DRC11: variants seen among roughly 807,000 people sequenced by gnomAD.
DRC11 encodes the protein dynein regulatory complex subunit 11.
chr2:236,369,242 T>G, the DRC11 span: 1 of 152,234 alleles, frequency 6.6e-6, no homozygotes, highest in Non-Finnish European at 1.5e-5. The surrounding 1 kb of genome is among the most constrained non-coding windows in gnomAD (Gnocchi z 4.5). Flanking sequence ...TATCCCAAGC[T>G]TTTAAGTATT....
chr2:236,354,290 AGT>A, the DRC11 span, among the ~76,000 whole-genome samples: 1 of 144,678 alleles, frequency 6.9e-6, no homozygotes, highest in East Asian at 2.0e-4. Flanking sequence ...AGTTTATGTT[AGT>A]GTGTACATGT....
At chr2:236,383,860 T>C in the DRC11 span, among the ~76,000 whole-genome samples, 5 of 146,026 alleles carry the variant, frequency 3.4e-5, no homozygotes, top group African/African-American at 1.3e-4. Context: ...TTCCCCTTCC[T>C]GTGTCCATGT....
the DRC11 span, among the ~76,000 whole-genome samples, chr2:236,407,648 G>C: frequency 6.6e-6 from 1 of 152,008 alleles, no homozygotes; most frequent in Non-Finnish European, 1.5e-5. Flanking sequence ...TTGTTTCTCT[G>C]GAGTGCCCTG....
the DRC11 span, among the ~76,000 whole-genome samples, chr2:236,399,142 G>T: frequency 3.3e-5 from 5 of 152,032 alleles, no homozygotes; most frequent in Admixed American, 3.3e-4. This position sits in a 1 kb window ranked among gnomAD's most constrained non-coding sequence, Gnocchi z 7.0. Flanking sequence ...GGCTCCCGCT[G>T]TTACGCCCAG....
the DRC11 span, chr2:236,441,047 A>G: frequency 6.5e-7 from 1 of 1,534,868 alleles, no homozygotes; most frequent in South Asian, 1.2e-5. Flanking sequence ...TACCTGTTGT[A>G]TGGTCTTGTC....
the DRC11 span, chr2:236,507,434 G>A: frequency 2.9e-6 from 2 of 691,996 alleles, no homozygotes; most frequent in Admixed American, 4.8e-5. Flanking sequence ...GCTTCGGGCA[G>A]GAAAAGGTGA....
the DRC11 span, among the ~76,000 whole-genome samples, chr2:236,459,489 A>G: frequency 2.3e-5 from 3 of 133,034 alleles, no homozygotes; most frequent in East Asian, 4.3e-4. Context: ...AAAAATATGT[A>G]TACGTATATA....
the DRC11 span, among the ~76,000 whole-genome samples, chr2:236,365,516 G>A: frequency 6.6e-6 from 1 of 150,938 alleles, no homozygotes; most frequent in African/African-American, 2.4e-5. This position sits in a 1 kb window ranked among gnomAD's most constrained non-coding sequence, Gnocchi z 7.4. Flanking sequence ...GGTGCCAGGC[G>A]GGTGCTGGCT....
chr2:236,412,809 A>G, the DRC11 span: 1 of 152,292 alleles, frequency 6.6e-6, no homozygotes, highest in African/African-American at 2.4e-5. Context: ...TAATTACTGC[A>G]TAGCTCTTGA....
the DRC11 span, among the ~76,000 whole-genome samples, chr2:236,353,201 T>A: frequency 6.6e-6 from 1 of 152,240 alleles, no homozygotes; most frequent in Non-Finnish European, 1.5e-5. The surrounding 1 kb of genome is among the most constrained non-coding windows in gnomAD (Gnocchi z 5.0). Flanking sequence ...AATTGAACTT[T>A]CCAGAGTTCT....
At chr2:236,507,218 A>T in the DRC11 span, 2 of 1,610,964 alleles carry the variant, frequency 1.2e-6, no homozygotes, top group Non-Finnish European at 8.5e-7. Context: ...GGCTTGGGGA[A>T]GCCCACTCCA....
chr2:236,345,077 T>C, the DRC11 span, among the ~76,000 whole-genome samples: 1 of 149,982 alleles, frequency 6.7e-6, no homozygotes, highest in Non-Finnish European at 1.5e-5. Context: ...CGTGCTTCCC[T>C]CTGGGGTGTG....
the DRC11 span, chr2:236,392,531 T>C: frequency 2.5e-6 from 1 of 406,142 alleles, no homozygotes. The surrounding 1 kb of genome is among the most constrained non-coding windows in gnomAD (Gnocchi z 5.1). Context: ...ATGAGATTCA[T>C]ATATGTGCTT....
chr2:236,439,853 A>G, the DRC11 span, among the ~76,000 whole-genome samples: 1 of 152,140 alleles, frequency 6.6e-6, no homozygotes, highest in Admixed American at 6.6e-5. Flanking sequence ...TTTTAATTTA[A>G]TTTAAAAAAT....
chr2:236,408,897 T>C, the DRC11 span: 14 of 659,108 alleles, frequency 2.1e-5, no homozygotes, highest in Admixed American at 6.5e-5. The surrounding 1 kb of genome is among the most constrained non-coding windows in gnomAD (Gnocchi z 5.5). Context: ...TCCTAGCCTG[T>C]TGACTTCTTG....
chr2:236,497,225 C>T, the DRC11 span: 9 of 1,613,302 alleles, frequency 5.6e-6, no homozygotes, highest in Admixed American at 8.3e-5. This position sits in a 1 kb window ranked among gnomAD's most constrained non-coding sequence, Gnocchi z 5.1. Context: ...AGTTCCAGCT[C>T]CACCATCTCG....
the DRC11 span, among the ~76,000 whole-genome samples, chr2:236,365,137 G>T: frequency 3.9e-5 from 6 of 152,068 alleles, no homozygotes; most frequent in Non-Finnish European, 7.4e-5. The surrounding 1 kb of genome is among the most constrained non-coding windows in gnomAD (Gnocchi z 7.4). Context: ...CTAGTGTGGG[G>T]GTCCGTGGGA....
the DRC11 span, among the ~76,000 whole-genome samples, chr2:236,459,546 C>CAT: frequency 5.9e-5 from 7 of 118,146 alleles, no homozygotes; most frequent in African/African-American, 2.1e-4. Context: ...TATACGTATA[C>CAT]GTATACATGT....
At chr2:236,485,816 A>G in the DRC11 span, among the ~76,000 whole-genome samples, 1 of 152,216 alleles carries the variant, frequency 6.6e-6, no homozygotes, top group African/African-American at 2.4e-5. Flanking sequence ...TTCTGTTTTC[A>G]GGAGGGGCTC....
Sources: gnomAD v4.1 joint callset for allele counts (sites outside exome capture counted in the v4.1 genomes callset) on GRCh38, gnomAD v4.1.1 for gene constraint, Gnocchi (gnomAD v3.1) non-coding constraint, MANE v1.5 for transcripts, NCBI Gene and HGNC (gene_info 2026-07-23, HGNC 2026-07-21) for gene names.